XPO5: variants seen among roughly 807,000 people sequenced by gnomAD.
XPO5 encodes the protein exportin-5.
In XPO5, 46 loss-of-function variants were observed where a neutral mutation model predicts 160.6. The ratio of observed to expected loss-of-function variants is 0.29; its 90% confidence interval spans 0.23 to 0.37. XPO5 has a LOEUF of 0.37. Among genes scored for constraint, XPO5 ranks in the 10% least tolerant of loss-of-function variants. The probability of loss-of-function intolerance (pLI) is 1.00; values close to 1 mark genes in which losing one functional copy is unlikely to be tolerated. For synonymous variants in XPO5, 537 were observed against 519.3 expected (o/e 1.03, Z -0.46); for missense variants, 1,090 against 1,463.9 (o/e 0.74, Z 4.17).
chr6:43,534,121 T>C, intron 20 of XPO5, 114 bp from the exon 21 acceptor site: 1 of 702,950 alleles, frequency 1.4e-6, no homozygotes, highest in Non-Finnish European at 2.3e-6. Flanking sequence ...CATCAACTCC[T>C]GGCAGGGGAA....
At chr6:43,537,620 C>A (rs1794418237) in intron 20 of XPO5, among the ~76,000 whole-genome samples, 1 of 152,062 alleles carries the variant, frequency 6.6e-6, no homozygotes, top group South Asian at 2.1e-4. Flanking sequence ...CTGCAGAGTG[C>A]CATATGTCCT....
chr6:43,563,945 T>TG (rs1343251329), intron 8 of XPO5, among the ~76,000 whole-genome samples: 1 of 152,118 alleles, frequency 6.6e-6, no homozygotes, highest in African/African-American at 2.4e-5. Context: ...TATTTAGAGA[T>TG]GGAGTCTCAC....
intron 23 of XPO5, chr6:43,529,564 AAAAAG>A (rs1338472229): frequency 5.5e-6 from 1 of 183,462 alleles, no homozygotes; most frequent in African/African-American, 2.4e-5. Flanking sequence ...AAAAAAAAAA[AAAAAG>A]AAAAGAAAGA....
chr6:43,558,472 G>A (rs773027763), intron 12 of XPO5, 29 bp downstream of exon 12: 24 of 1,555,396 alleles, frequency 1.5e-5, no homozygotes, highest in South Asian at 2.4e-5. Flanking sequence ...TGAGACTGTT[G>A]AGAGAAATCC....
intron 23 of XPO5, among the ~76,000 whole-genome samples, chr6:43,530,013 G>C (rs113664979): frequency 0.033 from 4,975 of 151,850 alleles, 266 homozygotes; most frequent in African/African-American, 0.11. Flanking sequence ...CCAGCACTTT[G>C]GGAGGCTGAG....
intron 13 of XPO5, among the ~76,000 whole-genome samples, chr6:43,554,429 T>C (rs540750226): frequency 2.5e-4 from 37 of 150,906 alleles, no homozygotes; most frequent in African/African-American, 4.1e-4. Context: ...TTTCTTTTTT[T>C]TTTTTTTCTT....
chr6:43,544,503 C>G (rs1173904906), intron 20 of XPO5, among the ~76,000 whole-genome samples: 1 of 152,218 alleles, frequency 6.6e-6, no homozygotes, highest in African/African-American at 2.4e-5. Flanking sequence ...AACCCTGTTT[C>G]CACGTCTGGG....
chr6:43,570,784 CA>C (rs1762971719), intron 4 of XPO5, 72 bp downstream of exon 4: 3 of 1,527,138 alleles, frequency 2.0e-6, no homozygotes, highest in Non-Finnish European at 2.6e-6. Flanking sequence ...AACCCACAAA[CA>C]AAATCAAACA....
intron 20 of XPO5, chr6:43,539,674 C>G (rs1251625218): frequency 5.0e-5 from 49 of 983,708 alleles, no homozygotes; most frequent in Non-Finnish European, 7.0e-5. Context: ...GGCCTCCAGG[C>G]CCCCCCACTG....
Position 43,541,088 on chromosome 6 carries a change from T to A in XPO5, c.2342+5483A>T, listed in dbSNP as rs536317092. On this transcript the variant is annotated intron_variant, in intron 20 of 31. Transcript: ENST00000265351. ...ATGGACATACAGAGTGTAAGGATGG[T>A]TAGCAGAGGGGCTGGGGAGGGTAGT... Among the ~76,000 whole-genome samples the A allele has an allele frequency of 3.3e-4, 51 of 152,260 alleles. No individual in the cohort carries two copies. In the Middle Eastern group the frequency reaches 0.01, roughly 30 times the overall value.
rs1795354292 is a variant in XPO5, at chr6:43,553,510, AACACACACACACACATAC to A, written c.1442-25_1442-8del. ...GTTCCAACTGCAGAACAAGCTTTAA[AACACACACACACACATAC>A]ACACACACACACACACACACAATTA... On this transcript the variant is annotated splice_polypyrimidine_tract_variant and splice_region_variant and intron_variant, in intron 13 of 31. Coordinates refer to ENST00000265351, the MANE Select transcript of XPO5 (RefSeq NM_020750.3). 5.3e-6 allele frequency: 8 copies of A among 1,503,516 alleles called. No individual in the cohort carries two copies. In the Admixed American group the frequency reaches 6.1e-5, roughly 12 times the overall value. The allele number at this position is 1,503,516 out of a possible 1,614,324, so 93.1% of individuals were successfully genotyped here.
intron 14 of XPO5, among the ~76,000 whole-genome samples, chr6:43,552,620 T>TGG (rs1795302847): frequency 6.6e-6 from 1 of 152,240 alleles, no homozygotes; most frequent in Non-Finnish European, 1.5e-5. Context: ...CCCAAAGTGC[T>TGG]GCGATTACAG....
At chr6:43,525,952 A>G in intron 27 of XPO5, 31 bp from the exon 28 acceptor site, 1 of 1,610,472 alleles carries the variant, frequency 6.2e-7, no homozygotes. Flanking sequence ...GTTAAGCTCC[A>G]TCCTTTCAGA....
chr6:43,534,525 A>G (rs990655113), intron 20 of XPO5, among the ~76,000 whole-genome samples: 6 of 152,344 alleles, frequency 3.9e-5, no homozygotes, highest in African/African-American at 1.4e-4. Context: ...CTGAGCAATT[A>G]TAGGCTTTGA....
chr6:43,549,963 C>G (rs1031225848), intron 15 of XPO5, 29 bp from the exon 16 acceptor site: 9 of 1,608,128 alleles, frequency 5.6e-6, no homozygotes, highest in Non-Finnish European at 5.1e-6. Flanking sequence ...AAAGGTCACT[C>G]ATGTTTATTT....
At chr6:43,539,880 T>G (rs1794594194) in intron 20 of XPO5, among the ~76,000 whole-genome samples, 1 of 152,270 alleles carries the variant, frequency 6.6e-6, no homozygotes. Context: ...GTTATATCTC[T>G]TTAGGTTTTC....
Position 43,558,825 on chromosome 6 carries a change from C to T in XPO5, c.1222-234G>A, listed in dbSNP as rs1164197268. The T allele has an allele frequency of 4.7e-5, 19 of 405,698 alleles. No individual in the cohort carries two copies. In the East Asian group the frequency reaches 7.8e-4, roughly 17 times the overall value. The allele number at this position is 405,698 out of a possible 1,614,324, so 25.1% of individuals were successfully genotyped here. On this transcript the variant is annotated intron_variant, in intron 11 of 31. Transcript: ENST00000265351. The stretch of plus-strand genomic sequence containing the variant: ...TTAGTTGATACCATCCTCCAAGTTC[C>T]TCAGGGAGAATTAAATTCTTGAATT...
chr6:43,567,295 G>A lies in XPO5; in HGVS notation c.708C>T (p.Asp236=). 6.2e-7 allele frequency: 1 copy of A among 1,613,956 alleles called. No individual in the cohort carries two copies. The highest frequency in any genetic ancestry group is 8.5e-7 in the Non-Finnish European group (1 of 1,179,890). ...AALNTLAGYI[D]WVSMSHITAE... is the part of the protein sequence containing the mutation. ...CAGTGATGTGACTCATAGACACCCA[G>A]TCAATATAGCCTGCTAGAGTATTCA... The change falls in exon 7 of 32, where the codon GAC becomes GAT. Residue 236 remains aspartate (D), a synonymous_variant. Transcript: ENST00000265351.
At chr6:43,529,376 AC>A in intron 23 of XPO5, 3 of 235,228 alleles carry the variant, frequency 1.3e-5, no homozygotes, top group Non-Finnish European at 2.4e-5. Context: ...CCCCGTCTCT[AC>A]TAAAAAAAAA....
Sources: allele counts gnomAD v4.1 joint callset (sites outside exome capture counted in the v4.1 genomes callset), GRCh38; gene constraint gnomAD v4.1.1; transcripts MANE v1.5; gene names NCBI Gene and HGNC (gene_info 2026-07-23, HGNC 2026-07-21).